The following RABGAP1L variants were observed in gnomAD, a reference collection of about 807,000 sequenced individuals.
RABGAP1L encodes rab GTPase-activating protein 1-like.
Under a neutral mutation model 137.7 loss-of-function variants are expected in RABGAP1L, and 63 were observed. The observed-to-expected ratio is 0.46, with a 90% CI of 0.37 to 0.56. The LOEUF is 0.56. Among genes scored for constraint, RABGAP1L ranks in the 20% least tolerant of loss-of-function variants. RABGAP1L has a pLI of 0.00. For missense variants in RABGAP1L, 1,095 were observed against 1,244.0 expected (o/e 0.88, Z 1.80); for synonymous variants, 431 against 433.7 (o/e 0.99, Z 0.08).
intron 13 of RABGAP1L, among the ~76,000 whole-genome samples, chr1:174,621,539 A>C (rs1352443777): frequency 6.6e-6 from 1 of 152,232 alleles, no homozygotes; most frequent in Non-Finnish European, 1.5e-5. Flanking sequence ...GAGCCCTCAG[A>C]AGTAACACGG....
intron 7 of RABGAP1L, among the ~76,000 whole-genome samples, chr1:174,271,500 A>G (rs1674555084): frequency 2.6e-5 from 4 of 152,126 alleles, no homozygotes; most frequent in Admixed American, 1.3e-4. Context: ...TTGGGAAACT[A>G]CAATAAAAAC....
At chr1:174,647,357 C>G (rs1675056611) in intron 14 of RABGAP1L, among the ~76,000 whole-genome samples, 1 of 152,014 alleles carries the variant, frequency 6.6e-6, no homozygotes. Context: ...TCATAAATAG[C>G]TCTTATTATT....
intron 13 of RABGAP1L, among the ~76,000 whole-genome samples, chr1:174,499,264 T>A (rs11802958): frequency 0.037 from 5,688 of 152,150 alleles, 156 homozygotes; most frequent in South Asian, 0.068. Context: ...ATTAAAAAAA[T>A]TTAAGTTATT....
chr1:174,460,645 G>C (rs1656577182), intron 13 of RABGAP1L, among the ~76,000 whole-genome samples: 3 of 152,114 alleles, frequency 2.0e-5, no homozygotes, highest in Admixed American at 1.3e-4. Context: ...TTTCCCAAAG[G>C]AGTGATCCAG....
At chr1:174,501,721 T>C (rs2147762449) in intron 13 of RABGAP1L, among the ~76,000 whole-genome samples, 2 of 152,318 alleles carry the variant, frequency 1.3e-5, no homozygotes, top group Non-Finnish European at 2.9e-5. Context: ...GATAGTATCT[T>C]TTTATTAACA....
intron 16 of RABGAP1L, chr1:174,700,917 C>A: frequency 2.6e-6 from 1 of 379,036 alleles, no homozygotes; most frequent in Non-Finnish European, 4.5e-6. Context: ...TAATAAATAA[C>A]AGATGTGTGG....
At chr1:174,223,762 G>C (rs1229455635) in intron 3 of RABGAP1L, among the ~76,000 whole-genome samples, 1 of 152,098 alleles carries the variant, frequency 6.6e-6, no homozygotes, top group Non-Finnish European at 1.5e-5. Flanking sequence ...TGGACAAGTA[G>C]AGGTACACAG....
intron 18 of RABGAP1L, among the ~76,000 whole-genome samples, chr1:174,790,439 C>T (rs1382208742): frequency 1.3e-5 from 2 of 151,966 alleles, no homozygotes; most frequent in African/African-American, 4.8e-5. Context: ...GCCTGACCAA[C>T]ATGGTGAAAC....
intron 14 of RABGAP1L, among the ~76,000 whole-genome samples, chr1:174,669,300 T>G (rs1488527785): frequency 6.6e-6 from 1 of 152,174 alleles, no homozygotes; most frequent in Non-Finnish European, 1.5e-5. Flanking sequence ...CCTGATTCAG[T>G]TACCTTCACC....
chr1:174,662,485 C>T lies in RABGAP1L; in HGVS notation c.1825-21037C>T, dbSNP rs146895433. Among the ~76,000 whole-genome samples, 1,440 of 152,126 alleles carry T rather than the reference C, an allele frequency of 9.5e-3. 24 individuals are homozygous for T. The highest frequency in any genetic ancestry group is 0.033 in the African/African-American group (1,378 of 41,484). ...AGGCTGGAGTGCAGTGGCGCAATCT[C>T]GGCTCACTGCAAAACTCCACCTCCC... On this transcript the variant is annotated intron_variant, in intron 14 of 25. Transcript: ENST00000681986.
At chr1:174,470,355 T>C (rs2149305515) in intron 13 of RABGAP1L, among the ~76,000 whole-genome samples, 1 of 152,366 alleles carries the variant, frequency 6.6e-6, no homozygotes, top group Non-Finnish European at 1.5e-5. Context: ...GTGGTAATGC[T>C]ACCTTTTGTA....
At chr1:174,262,333 C>T (rs546669201) in intron 7 of RABGAP1L, among the ~76,000 whole-genome samples, 161 of 152,246 alleles carry the variant, frequency 1.1e-3, no homozygotes, top group South Asian at 2.1e-3. Context: ...AGTACTATTA[C>T]GTTTTTAGCA....
At chr1:174,849,324 A>G (rs933026015) in intron 19 of RABGAP1L, among the ~76,000 whole-genome samples, 1 of 152,210 alleles carries the variant, frequency 6.6e-6, no homozygotes, top group Non-Finnish European at 1.5e-5. Flanking sequence ...CCTAAACTGG[A>G]CAGTAAAACT....
chr1:174,409,589 T>C (rs1165623966), intron 13 of RABGAP1L, among the ~76,000 whole-genome samples: 2 of 152,226 alleles, frequency 1.3e-5, no homozygotes, highest in Non-Finnish European at 2.9e-5. Flanking sequence ...CATATTTTTC[T>C]TCTTGCAGAG....
intron 13 of RABGAP1L, among the ~76,000 whole-genome samples, chr1:174,429,965 G>A (rs943031445): frequency 6.6e-6 from 1 of 152,088 alleles, no homozygotes; most frequent in Non-Finnish European, 1.5e-5. Flanking sequence ...CTAGTTATTA[G>A]CAAGGAACAT....
chr1:174,980,513 G>A (rs1233722436), intron 23 of RABGAP1L, among the ~76,000 whole-genome samples: 1 of 152,202 alleles, frequency 6.6e-6, no homozygotes, highest in Non-Finnish European at 1.5e-5. Context: ...TGGATCTGTA[G>A]AGATAAAGAA....
intron 14 of RABGAP1L, among the ~76,000 whole-genome samples, chr1:174,642,261 A>G (rs959999178): frequency 3.3e-5 from 5 of 152,200 alleles, no homozygotes; most frequent in Non-Finnish European, 5.9e-5. Flanking sequence ...ATTTGATAGC[A>G]TAATGGTTTA....
chr1:174,512,216 A>G (rs1208501091), intron 13 of RABGAP1L, among the ~76,000 whole-genome samples: 1 of 152,178 alleles, frequency 6.6e-6, no homozygotes, highest in Non-Finnish European at 1.5e-5. Flanking sequence ...TTATGAGAAG[A>G]TAACACTTAC....
intron 19 of RABGAP1L, among the ~76,000 whole-genome samples, chr1:174,853,672 G>A (rs1313760388): frequency 8.5e-5 from 13 of 152,128 alleles, no homozygotes; most frequent in Middle Eastern, 3.4e-3. Flanking sequence ...TGGAGGTTGC[G>A]GTGAGCCGAG....
Sources: allele counts gnomAD v4.1 joint callset (sites outside exome capture counted in the v4.1 genomes callset), GRCh38; gene constraint gnomAD v4.1.1; transcripts MANE v1.5; gene names NCBI Gene and HGNC (gene_info 2026-07-23, HGNC 2026-07-21).